The following UBN2 variants were observed in gnomAD, a reference collection of about 807,000 sequenced individuals.
The protein encoded by UBN2 is ubinuclein 2.
Under a neutral mutation model 120.2 loss-of-function variants are expected in UBN2, and 35 were observed. The ratio of observed to expected loss-of-function variants is 0.29; its 90% CI spans 0.22 to 0.39. The LOEUF (loss-of-function observed/expected upper bound fraction) is 0.39. Among genes scored for constraint, UBN2 ranks in the 10% least tolerant of loss-of-function variants. The pLI is 1.00. For missense variants in UBN2, 1,693 were observed against 1,663.2 expected, an observed-to-expected ratio of 1.02 and a Z score of -0.31; for synonymous variants, 661 against 648.7, an observed-to-expected ratio of 1.02 and a Z score of -0.29.
intron 15 of UBN2, among the ~76,000 whole-genome samples, chr7:139,285,892 G>A (rs1360330838): frequency 1.3e-5 from 2 of 151,790 alleles, no homozygotes; most frequent in South Asian, 2.1e-4. Context: ...ACAGGCACCC[G>A]CCACCATGCC....
intron 1 of UBN2, among the ~76,000 whole-genome samples, chr7:139,235,431 T>C (rs1488564196): frequency 2.6e-5 from 4 of 152,222 alleles, no homozygotes; most frequent in Admixed American, 2.6e-4. Context: ...AGTCTCACTC[T>C]GTCTCAACCA....
At chr7:139,273,817 A>T in intron 10 of UBN2, 114 bp from the exon 11 acceptor site, 1 of 876,886 alleles carries the variant, frequency 1.1e-6, no homozygotes, top group Non-Finnish European at 1.7e-6. Flanking sequence ...GCAATGAATG[A>T]TATATGTTAG....
intron 12 of UBN2, chr7:139,277,753 T>C (rs1469310934): frequency 1.3e-5 from 2 of 152,220 alleles, no homozygotes; most frequent in African/African-American, 4.8e-5. Context: ...TTAATTTCCC[T>C]ATACAGTAGT....
chr7:139,245,795 G>C (rs1477434550), intron 2 of UBN2, among the ~76,000 whole-genome samples: 2 of 152,364 alleles, frequency 1.3e-5, no homozygotes, highest in East Asian at 3.9e-4. Flanking sequence ...TGAGTAGCAG[G>C]AGACTATCCC....
At chr7:139,237,120 T>C in intron 2 of UBN2, 23 bp downstream of exon 2, 1 of 1,543,248 alleles carries the variant, frequency 6.5e-7, no homozygotes, top group African/African-American at 1.4e-5. Context: ...AACTGATCAC[T>C]TAGGTAATTT....
At chr7:139,253,961 A>G (rs905863902) in intron 3 of UBN2, among the ~76,000 whole-genome samples, 5 of 152,204 alleles carry the variant, frequency 3.3e-5, no homozygotes, top group Non-Finnish European at 7.3e-5. Context: ...GGACTTCAAC[A>G]TGAGGCACAT....
chr7:139,274,762 CAAA>C (rs1158405890), intron 11 of UBN2, among the ~76,000 whole-genome samples: 2 of 77,448 alleles, frequency 2.6e-5, no homozygotes, highest in Non-Finnish European at 2.7e-5. Context: ...AACTCCGTCT[CAAA>C]AAAAAAAAAA....
At chr7:139,259,896 A>G (rs188525046) in intron 5 of UBN2, among the ~76,000 whole-genome samples, 3 of 151,662 alleles carry the variant, frequency 2.0e-5, no homozygotes, top group Admixed American at 1.3e-4. Flanking sequence ...TTACAGGTGT[A>G]TGTCATCACA....
chr7:139,252,866 T>C (rs754589446), intron 3 of UBN2, among the ~76,000 whole-genome samples: 2 of 152,210 alleles, frequency 1.3e-5, no homozygotes, highest in Non-Finnish European at 2.9e-5. Flanking sequence ...GTGAGAATAT[T>C]AGTACACTTG....
chr7:139,307,441 AT>A lies in UBN2; in HGVS notation c.*9610del, dbSNP rs1798377195. On this transcript the variant is annotated 3_prime_UTR_variant, in exon 18 of 18. Transcript: ENST00000473989. ...AAATTATGTACTGTACCAGCCATGG[AT>A]TTTTGTAAATATACCTGTCTCCCTT... The A allele has an allele frequency of 6.6e-6, 1 of 151,432 alleles. No homozygotes were observed. Among genetic ancestry groups the A allele is most frequent in the Non-Finnish European group, 1.5e-5 (1 of 67,926 alleles). 9.4% of individuals were successfully genotyped at this position (151,432 alleles called of 1,614,324 possible).
chr7:139,254,840 GT>G (rs1796715642), intron 3 of UBN2, among the ~76,000 whole-genome samples: 1 of 152,198 alleles, frequency 6.6e-6, no homozygotes, highest in African/African-American at 2.4e-5. Context: ...AAAGTACAGA[GT>G]TTCCATGAAC....
chr7:139,253,867 T>C (rs943018341), intron 3 of UBN2, among the ~76,000 whole-genome samples: 2 of 152,202 alleles, frequency 1.3e-5, no homozygotes, highest in African/African-American at 2.4e-5. Flanking sequence ...CCACAAATTA[T>C]ATATTATGTC....
intron 3 of UBN2, among the ~76,000 whole-genome samples, chr7:139,254,413 CA>C (rs1401549054): frequency 1.3e-5 from 2 of 152,114 alleles, no homozygotes; most frequent in African/African-American, 4.8e-5. Flanking sequence ...CTTCGTCTTA[CA>C]AAAAAGGTTG....
At chr7:139,276,037 A>G (rs1432035217) in intron 11 of UBN2, 60 bp from the exon 12 acceptor site, 6 of 1,336,002 alleles carry the variant, frequency 4.5e-6, no homozygotes, top group Non-Finnish European at 5.2e-6. Flanking sequence ...AAAAAATAAA[A>G]CAATTATGTT....
rs773889105 is a variant in UBN2, at chr7:139,293,249, A to G, written c.3687A>G (p.Ser1229=). Reference sequence around the variant, plus strand: ...CTGCACAGTCCACAGCAGGAGCATCATTATTGGCTAATGCCTCACCTCTGA... The same window carrying G: ...CTGCACAGTCCACAGCAGGAGCATCGTTATTGGCTAATGCCTCACCTCTGA... ...TASVQSTAGA[S]LLANASPLTL... The change falls in exon 16 of 18, where the codon TCA becomes TCG. Residue 1229 remains serine (S), a synonymous_variant. Coordinates refer to ENST00000473989, the MANE Select transcript of UBN2 (RefSeq NM_173569.4). 1.2e-6 allele frequency: 2 copies of G among 1,614,090 alleles called. No individual in the cohort carries two copies. Among genetic ancestry groups the G allele is most frequent in the African/African-American group, 1.3e-5 (1 of 74,948 alleles).
At chr7:139,278,204 T>C (rs1209043684) in intron 12 of UBN2, among the ~76,000 whole-genome samples, 1 of 147,604 alleles carries the variant, frequency 6.8e-6, no homozygotes, top group Non-Finnish European at 1.5e-5. Context: ...TTTTTTGAGA[T>C]GGAGTCTTGC....
intron 1 of UBN2, among the ~76,000 whole-genome samples, chr7:139,232,867 T>G (rs1187849965): frequency 6.6e-6 from 1 of 152,208 alleles, no homozygotes. Flanking sequence ...AGGGGTTATG[T>G]TCGTAATTGT....
Position 139,283,693 on chromosome 7 carries a change from C to G in UBN2, c.2788C>G (p.His930Asp). The stretch of plus-strand genomic sequence containing the variant: ...TTCGTTAACACAAGTAACAAAGGTG[C>G]ACCAGCATTCAGCTGTCCAGCAGAA... ...ASSLTQVTKVHQHSAVQQNYV... is the reference protein window; with the variant it reads ...ASSLTQVTKVDQHSAVQQNYV... Residue 930 changes from histidine to aspartate, a missense_variant, in exon 15 of 18, where the codon CAC becomes GAC. Physicochemically the swap from His to Asp is moderately conservative, Grantham distance 81. Coordinates refer to ENST00000473989, the MANE Select transcript of UBN2 (RefSeq NM_173569.4). The G allele has an allele frequency of 6.2e-7, 1 of 1,614,136 alleles. No homozygotes were observed. Among genetic ancestry groups the G allele is most frequent in the Non-Finnish European group, 8.5e-7 (1 of 1,180,038 alleles).
chr7:139,231,717 G>A lies in UBN2; in HGVS notation c.233G>A (p.Ser78Asn), dbSNP rs562238681. 50 of 1,178,764 alleles carry A rather than the reference G, an allele frequency of 4.2e-5. No homozygotes were observed. In the African/African-American group the frequency reaches 7.5e-4, roughly 18 times the overall value. 73.0% of individuals were successfully genotyped at this position (1,178,764 alleles called of 1,614,324 possible). Residue 78 changes from serine (S) to asparagine (N), a missense_variant, in exon 1 of 18, where the codon AGC (serine) becomes AAC (asparagine). Ser to Asn is a conservative substitution (Grantham distance 46). Around this residue, in one of 5 missense-constraint regions of UBN2, gnomAD observed 663 missense variants for 591.2 expected, o/e 1.12. Coordinates refer to ENST00000473989, the MANE Select transcript of UBN2 (RefSeq NM_173569.4). Reference sequence around the variant, plus strand: ...AAGCCGCTCCCCCAGCGCGAGGTCAGCCGCGCCGAGCCGCCCATGTCGCTG... The same window carrying A: ...AAGCCGCTCCCCCAGCGCGAGGTCAACCGCGCCGAGCCGCCCATGTCGCTG... The part of the protein sequence containing the change: ...REKPLPQREV[S>N]RAEPPMSLQR...
Sources: allele counts gnomAD v4.1 joint callset (sites outside exome capture counted in the v4.1 genomes callset), GRCh38; gene constraint gnomAD v4.1.1; regional missense constraint gnomAD v4.1.1; transcripts MANE v1.5; gene names NCBI Gene and HGNC (gene_info 2026-07-23, HGNC 2026-07-21).